The following NEB variants were observed in gnomAD, a reference collection of about 807,000 sequenced individuals.
NEB encodes nemaline myopathy type 2.
NEB carries 512 observed loss-of-function variants against 952.2 expected under a neutral mutation model. The ratio of observed to expected loss-of-function variants is 0.54; its 90% CI spans 0.50 to 0.58. The LOEUF (loss-of-function observed/expected upper bound fraction) is 0.58. Among genes scored for constraint, NEB ranks in the 20% least tolerant of loss-of-function variants. The pLI, the probability that NEB is intolerant of heterozygous loss-of-function variation, is 0.00. For missense variants in NEB, 8,428 were observed against 9,231.1 expected (o/e 0.91, Z 3.56); for synonymous variants, 2,900 against 3,149.8 (o/e 0.92, Z 2.66).
At chr2:151,575,942 G>T in intron 106 of NEB, 143 bp from the exon 107 acceptor site, 1 of 770,246 alleles carries the variant, frequency 1.3e-6, no homozygotes. Context: ...TTTCACGTAA[G>T]TTACTCAAAT....
At chr2:151,506,682 A>T (rs1224037122) in intron 163 of NEB, among the ~76,000 whole-genome samples, 1 of 152,226 alleles carries the variant, frequency 6.6e-6, no homozygotes, top group African/African-American at 2.4e-5. Flanking sequence ...CCCTGGGATT[A>T]AAAAATTTAA....
intron 126 of NEB, 138 bp downstream of exon 126, chr2:151,553,690 A>G: frequency 2.1e-6 from 2 of 968,850 alleles, no homozygotes; most frequent in South Asian, 3.4e-5. Context: ...ACAGCTCTGA[A>G]GTCAAGTTGG....
intron 162 of NEB, 124 bp from the exon 163 acceptor site, chr2:151,507,137 T>G: frequency 1.6e-6 from 1 of 620,416 alleles, no homozygotes; most frequent in Non-Finnish European, 2.8e-6. Context: ...GCACAATAAT[T>G]ATGGTCTGGT....
chr2:151,566,087 G>A (rs529047489), intron 114 of NEB, among the ~76,000 whole-genome samples: 4 of 152,288 alleles, frequency 2.6e-5, no homozygotes, highest in East Asian at 3.9e-4. Context: ...CTGTTAGATC[G>A]AGTGCTCAAA....
At chr2:151,557,916 T>G (rs904493909) in intron 124 of NEB, among the ~76,000 whole-genome samples, 1 of 152,208 alleles carries the variant, frequency 6.6e-6, no homozygotes, top group African/African-American at 2.4e-5. Context: ...AATATCATAC[T>G]GAATGGGCAA....
chr2:151,570,469 A>T (rs1224395628), intron 108 of NEB, 28 bp downstream of exon 108: 1 of 1,585,494 alleles, frequency 6.3e-7, no homozygotes, highest in Non-Finnish European at 8.5e-7. Context: ...GAAAAAAAAA[A>T]ACTGAGAAGT....
At chr2:151,625,662 G>A in intron 70 of NEB, 24 bp from the exon 71 acceptor site, 1 of 1,495,684 alleles carries the variant, frequency 6.7e-7, no homozygotes, top group Admixed American at 1.9e-5. Context: ...AAAGGTTAAT[G>A]AATTAGAAAA....
chr2:151,557,410 T>A (rs140171536), intron 124 of NEB, among the ~76,000 whole-genome samples: 7 of 151,754 alleles, frequency 4.6e-5, no homozygotes, highest in Non-Finnish European at 1.0e-4. Flanking sequence ...CAGGACCAGA[T>A]GGATTCACAC....
chr2:151,662,018 A>G, intron 46 of NEB, 117 bp downstream of exon 46: 2 of 798,848 alleles, frequency 2.5e-6, no homozygotes, highest in Non-Finnish European at 3.7e-6. Context: ...TTTTCTAGGT[A>G]AAATAACCTC....
At chr2:151,487,864 A>G (rs1002598632) in intron 181 of NEB, among the ~76,000 whole-genome samples, 2 of 151,900 alleles carry the variant, frequency 1.3e-5, no homozygotes, top group African/African-American at 2.4e-5. Context: ...CAGTCCTCCC[A>G]CCTCCTAAAG....
intron 10 of NEB, among the ~76,000 whole-genome samples, chr2:151,717,166 T>G (rs2099761352): frequency 6.6e-6 from 1 of 152,252 alleles, no homozygotes; most frequent in South Asian, 2.1e-4. Flanking sequence ...AGAACATGGC[T>G]TCTGTTTTCA....
In NEB at chr2:151,687,437, T is replaced by C. The variant is rs2099511427; in HGVS notation, c.2619A>G (p.Thr873=). Residue 873 remains threonine, a synonymous_variant, in exon 27 of 182, where the codon ACA becomes ACG. Coordinates refer to ENST00000397345, the MANE Select transcript of NEB (RefSeq NM_001164508.2). ...DDPKMLHSLK[T]AKNQSDREYR... ...CACTCACATCACTCTGGTTTTTGGC[T>C]GTCTTCAAGGAGTGCAGCATCTTTG... 1.9e-6 allele frequency: 3 copies of C among 1,613,854 alleles called. No individual in the cohort carries two copies. Among genetic ancestry groups the C allele is most frequent in the South Asian group, 1.1e-5 (1 of 91,068 alleles).
At chr2:151,498,427 G>A in intron 169 of NEB, 75 bp from the exon 170 acceptor site, 1 of 1,028,652 alleles carries the variant, frequency 9.7e-7, no homozygotes, top group Non-Finnish European at 1.4e-6. Flanking sequence ...GAGCAGTTGG[G>A]AGTGGGAAGG....
Position 151,643,862 on chromosome 2 carries a change from T to G in NEB, c.7912A>C (p.Ser2638Arg). 2.5e-6 allele frequency: 4 copies of G among 1,614,016 alleles called. No individual in the cohort carries two copies. The highest frequency in any genetic ancestry group is 1.7e-5 in the Admixed American group (1 of 60,026). ...GCCTGCCGAGCATGGATGACATCGC[T>G]CTGGTCGGGCAGGCATGTCCACTGG... ...LHQWTCLPDQ[S>R]DVIHARQAYD... Residue 2638 changes from serine (S) to arginine (R), a missense_variant, in exon 57 of 182, where the codon AGC (serine) becomes CGC (arginine). Ser to Arg is a moderately radical substitution (Grantham distance 110, BLOSUM62 -1). Transcript: ENST00000397345.
At chr2:151,506,655 G>A (rs1033266823) in intron 163 of NEB, among the ~76,000 whole-genome samples, 4 of 152,162 alleles carry the variant, frequency 2.6e-5, no homozygotes, top group Admixed American at 6.5e-5. Flanking sequence ...CTTGGAGCAA[G>A]ACAACACATG....
intron 24 of NEB, 134 bp downstream of exon 24, chr2:151,690,593 T>C (rs2099540846): frequency 4.1e-6 from 3 of 726,440 alleles, no homozygotes; most frequent in Non-Finnish European, 7.3e-6. Context: ...ATTTGTGTTT[T>C]ATTAAACAAA....
intron 171 of NEB, 29 bp downstream of exon 171, chr2:151,497,593 ATAAG>A: frequency 6.5e-7 from 1 of 1,544,390 alleles, no homozygotes; most frequent in Non-Finnish European, 8.8e-7. Flanking sequence ...AAATCATTAA[ATAAG>A]TAGTTTTTTT....
intron 3 of NEB, among the ~76,000 whole-genome samples, chr2:151,730,378 C>A (rs2099803317): frequency 6.6e-6 from 1 of 152,060 alleles, no homozygotes. Flanking sequence ...TCATGGCCTG[C>A]ATGATGGATC....
intron 62 of NEB, 67 bp downstream of exon 62, chr2:151,639,790 T>C: frequency 1.5e-6 from 2 of 1,339,952 alleles, no homozygotes; most frequent in Non-Finnish European, 2.1e-6. Context: ...TCTTTCCTCA[T>C]TAATGTTTCT....
Sources: gnomAD v4.1 joint callset for allele counts (sites outside exome capture counted in the v4.1 genomes callset) on GRCh38, gnomAD v4.1.1 for gene constraint, MANE v1.5 for transcripts, NCBI Gene and HGNC (gene_info 2026-07-23, HGNC 2026-07-21) for gene names.